The following PCNX2 variants were observed in gnomAD, a reference collection of about 807,000 sequenced individuals.
The protein encoded by PCNX2 is pecanex 2, also known as pecanex-like protein 2.
Under a neutral mutation model 223.8 loss-of-function variants are expected in PCNX2, and 168 were observed. The ratio of observed to expected loss-of-function variants is 0.75; its 90% CI spans 0.66 to 0.85. The LOEUF is 0.85. Among genes scored for constraint, PCNX2 ranks in the 40% least tolerant of loss-of-function variants. PCNX2 has a pLI of 0.00. For missense variants in PCNX2, 2,507 were observed against 2,675.5 expected (o/e 0.94, Z 1.39); for synonymous variants, 1,006 against 1,052.6 (o/e 0.96, Z 0.86).
intron 21 of PCNX2, among the ~76,000 whole-genome samples, chr1:233,129,883 G>C (rs778877251): frequency 1.3e-4 from 20 of 152,318 alleles, no homozygotes; most frequent in Middle Eastern, 6.8e-3. Flanking sequence ...GGCTGCCAGA[G>C]CCAGCAGTGG....
intron 23 of PCNX2, among the ~76,000 whole-genome samples, chr1:233,082,024 T>C (rs1673384781): frequency 1.3e-5 from 2 of 150,708 alleles, no homozygotes; most frequent in African/African-American, 4.9e-5. Context: ...GTGTGTGTCC[T>C]CTGAGAGGCT....
chr1:233,194,416 T>C (rs1347392311), intron 15 of PCNX2, among the ~76,000 whole-genome samples: 1 of 151,444 alleles, frequency 6.6e-6, no homozygotes, highest in Admixed American at 6.6e-5. Context: ...AGGAGAAATA[T>C]GATGGCAAGC....
At chr1:233,147,460 G>A (rs984269664) in intron 19 of PCNX2, among the ~76,000 whole-genome samples, 1 of 152,086 alleles carries the variant, frequency 6.6e-6, no homozygotes, top group African/African-American at 2.4e-5. Context: ...TGAGTAGGCT[G>A]AGGAGGAGAA....
intron 21 of PCNX2, chr1:233,112,775 G>A: frequency 8.5e-7 from 1 of 1,179,602 alleles, no homozygotes; most frequent in Non-Finnish European, 1.1e-6. Context: ...AAGCAAAAAT[G>A]AAGAAAAAAA....
At chr1:232,997,441 A>G (rs2102790721) in intron 32 of PCNX2, among the ~76,000 whole-genome samples, 1 of 152,336 alleles carries the variant, frequency 6.6e-6, no homozygotes, top group South Asian at 2.1e-4. Flanking sequence ...GCATGCACAG[A>G]GGCACTTATT....
At chr1:233,013,045 C>A (rs1337157668) in intron 28 of PCNX2, among the ~76,000 whole-genome samples, 1 of 152,194 alleles carries the variant, frequency 6.6e-6, no homozygotes, top group South Asian at 2.1e-4. Context: ...CTGCGGCAAT[C>A]ATCAAGCTTA....
At chr1:233,035,977 A>G (rs2102850724) in intron 25 of PCNX2, among the ~76,000 whole-genome samples, 1 of 152,308 alleles carries the variant, frequency 6.6e-6, no homozygotes, top group Middle Eastern at 3.4e-3. Context: ...CTAGAATTCT[A>G]AATTTGTATT....
At chr1:233,104,093 T>C (rs892380805) in intron 21 of PCNX2, among the ~76,000 whole-genome samples, 4 of 152,084 alleles carry the variant, frequency 2.6e-5, no homozygotes, top group Non-Finnish European at 5.9e-5. Context: ...AAAATTTCAT[T>C]TTGTTCAATA....
At chr1:233,285,876 C>T (rs982722105) in intron 1 of PCNX2, among the ~76,000 whole-genome samples, 2 of 152,180 alleles carry the variant, frequency 1.3e-5, no homozygotes, top group African/African-American at 4.8e-5. Flanking sequence ...TATTGGAATA[C>T]CATGCAGACA....
chr1:233,247,666 CAGG>C, intron 8 of PCNX2, among the ~76,000 whole-genome samples: 1 of 152,078 alleles, frequency 6.6e-6, no homozygotes, highest in Non-Finnish European at 1.5e-5. Context: ...ATCACGAGGT[CAGG>C]AGTTTTGAGA....
chr1:233,200,827 G>C (rs1681043028), intron 13 of PCNX2, among the ~76,000 whole-genome samples: 1 of 151,760 alleles, frequency 6.6e-6, no homozygotes, highest in African/African-American at 2.4e-5. Flanking sequence ...TTTGAGACCA[G>C]CCTGGCCAAC....
chr1:233,098,946 A>G (rs1674330859), intron 21 of PCNX2, among the ~76,000 whole-genome samples: 1 of 152,262 alleles, frequency 6.6e-6, no homozygotes, highest in Non-Finnish European at 1.5e-5. Context: ...AAAGAGTTTG[A>G]TAAATGTTAG....
At chr1:233,072,270 T>A (rs1294770205) in intron 23 of PCNX2, among the ~76,000 whole-genome samples, 2 of 152,182 alleles carry the variant, frequency 1.3e-5, no homozygotes, top group Non-Finnish European at 2.9e-5. Context: ...GTTTTTATAG[T>A]TTTGGGTTTT....
chr1:233,185,014 T>G (rs1031470584), intron 15 of PCNX2, among the ~76,000 whole-genome samples: 4 of 151,906 alleles, frequency 2.6e-5, no homozygotes, highest in Admixed American at 2.6e-4. Flanking sequence ...TGAGGCTCTC[T>G]CCTGGAAACA....
chr1:233,318,597 A>C, the PCNX2 span, among the ~76,000 whole-genome samples: 2 of 113,014 alleles, frequency 1.8e-5, no homozygotes. Context: ...ACAGAGTCTC[A>C]CTCTTGTTCA....
At chr1:233,048,232 G>A (rs1363957741) in intron 25 of PCNX2, among the ~76,000 whole-genome samples, 2 of 152,170 alleles carry the variant, frequency 1.3e-5, no homozygotes, top group Non-Finnish European at 2.9e-5. Flanking sequence ...CAAGGCAGGC[G>A]GATCACTTGA....
chr1:233,254,838 A>G (rs1407775148), intron 5 of PCNX2, among the ~76,000 whole-genome samples: 3 of 152,132 alleles, frequency 2.0e-5, no homozygotes, highest in Non-Finnish European at 4.4e-5. Flanking sequence ...ATATAATATT[A>G]CACTGATAAT....
At chr1:233,224,610 T>C (rs1399928393) in intron 10 of PCNX2, among the ~76,000 whole-genome samples, 2 of 152,164 alleles carry the variant, frequency 1.3e-5, no homozygotes, top group Non-Finnish European at 2.9e-5. Context: ...CAGCCCTGTT[T>C]GGGGATTATG....
At chr1:233,153,744 T>C (rs1371204283) in intron 19 of PCNX2, among the ~76,000 whole-genome samples, 2 of 152,156 alleles carry the variant, frequency 1.3e-5, no homozygotes, top group Non-Finnish European at 2.9e-5. Flanking sequence ...CAGAAAGTAT[T>C]TTTTTTCTGT....
Sources: gnomAD v4.1 joint callset for allele counts (sites outside exome capture counted in the v4.1 genomes callset) on GRCh38, gnomAD v4.1.1 for gene constraint, MANE v1.5 for transcripts, NCBI Gene and HGNC (gene_info 2026-07-23, HGNC 2026-07-21) for gene names.